TBX20: variants seen among roughly 807,000 people sequenced by gnomAD.
TBX20 encodes the protein T-box transcription factor 20, also known as T-box transcription factor TBX20.
In TBX20, 8 loss-of-function variants were observed where a neutral mutation model predicts 42.9. That is an observed-to-expected ratio of 0.19 (90% CI 0.11 to 0.34). The LOEUF is 0.34. TBX20 is among the 10% of genes least tolerant of loss of function. The pLI, the probability that TBX20 is intolerant of heterozygous loss-of-function variation, is 1.00. For synonymous variants in TBX20, 198 were observed against 222.8 expected, an observed-to-expected ratio of 0.89 and a Z score of 0.99; for missense variants, 411 against 566.0, an observed-to-expected ratio of 0.73 and a Z score of 2.78.
At chr7:35,242,858 A>AT (rs1790109881) in intron 4 of TBX20, among the ~76,000 whole-genome samples, 1 of 152,226 alleles carries the variant, frequency 6.6e-6, no homozygotes. Context: ...AACTGCATCT[A>AT]TAAGAGAGGC....
chr7:35,233,088 T>C (rs1789898277), intron 5 of TBX20, among the ~76,000 whole-genome samples: 1 of 152,244 alleles, frequency 6.6e-6, no homozygotes, highest in Admixed American at 6.5e-5. Flanking sequence ...AGTATATCTA[T>C]AGAACACTTT....
At chr7:35,252,708 A>T (rs1790328944) in intron 1 of TBX20, among the ~76,000 whole-genome samples, 1 of 152,196 alleles carries the variant, frequency 6.6e-6, no homozygotes, top group African/African-American at 2.4e-5. Context: ...CAATGATGAG[A>T]ACACTTCTTT....
chr7:35,248,594 A>T (rs1790238995), intron 3 of TBX20, 83 bp downstream of exon 3: 2 of 1,488,516 alleles, frequency 1.3e-6, no homozygotes, highest in Non-Finnish European at 1.9e-6. Context: ...TTAAAAATAC[A>T]CTTGCTTAAA....
At chr7:35,213,982 G>A (rs550600514) in intron 6 of TBX20, among the ~76,000 whole-genome samples, 6 of 150,120 alleles carry the variant, frequency 4.0e-5, no homozygotes, top group Non-Finnish European at 8.9e-5. Context: ...AGAAAAACAT[G>A]TAGTATGTTA....
chr7:35,236,414 G>T (rs934516349), intron 5 of TBX20, among the ~76,000 whole-genome samples: 1 of 151,950 alleles, frequency 6.6e-6, no homozygotes, highest in Non-Finnish European at 1.5e-5. Flanking sequence ...ATTATATGCT[G>T]CAGGATATAT....
chr7:35,222,599 T>C (rs571659676), intron 6 of TBX20, among the ~76,000 whole-genome samples: 2 of 152,168 alleles, frequency 1.3e-5, no homozygotes, highest in Non-Finnish European at 2.9e-5. Flanking sequence ...TGCCAGACAC[T>C]ATTCTGGGAT....
intron 6 of TBX20, among the ~76,000 whole-genome samples, chr7:35,212,534 T>C (rs1260875329): frequency 6.6e-6 from 1 of 152,184 alleles, no homozygotes; most frequent in East Asian, 1.9e-4. Context: ...ATATAAGACA[T>C]GTCTTGAGGT....
intron 7 of TBX20, among the ~76,000 whole-genome samples, chr7:35,204,239 A>G (rs1175232126): frequency 6.6e-6 from 1 of 152,122 alleles, no homozygotes; most frequent in African/African-American, 2.4e-5. Context: ...TCACTTAAAA[A>G]AAAAACAAAC....
At chr7:35,207,086 G>T (rs1356865867) in intron 6 of TBX20, among the ~76,000 whole-genome samples, 1 of 152,140 alleles carries the variant, frequency 6.6e-6, no homozygotes, top group Non-Finnish European at 1.5e-5. Flanking sequence ...TAAAGAAACT[G>T]CCAAACTATT....
intron 6 of TBX20, among the ~76,000 whole-genome samples, chr7:35,219,266 A>T (rs1789641175): frequency 6.6e-6 from 1 of 152,162 alleles, no homozygotes; most frequent in Non-Finnish European, 1.5e-5. Context: ...GCCATATAGT[A>T]AATATCTTAA....
chr7:35,244,959 T>G lies in TBX20; in HGVS notation c.644A>C (p.Gln215Pro). 6.2e-7 allele frequency: 1 copy of G among 1,613,202 alleles called. No individual in the cohort carries two copies. The highest frequency in any genetic ancestry group is 8.5e-7 in the Non-Finnish European group (1 of 1,179,188). ...AGGCATGGTACTTACATGGCCATGT[T>G]GATCCAGTTCATTGTTGGTGAGTTT... Reference protein sequence around the residue: ...KVKLTNNELDQHGHIILNSMH... With the variant: ...KVKLTNNELDPHGHIILNSMH... The change falls in exon 4 of 8, where the codon CAA becomes CCA. Residue 215 changes from glutamine to proline, a missense_variant. Coordinates refer to ENST00000408931, the MANE Select transcript of TBX20 (RefSeq NM_001077653.2).
rs557608781 is a variant in TBX20, at chr7:35,214,510, G to A, written c.891-9928C>T. Among the ~76,000 whole-genome samples, 11 of 152,272 alleles carry A rather than the reference G, an allele frequency of 7.2e-5. No individual in the cohort carries two copies. In the South Asian group the frequency reaches 2.3e-3, roughly 32 times the overall value. On this transcript the variant is annotated intron_variant, in intron 6 of 7. Coordinates refer to ENST00000408931, the MANE Select transcript of TBX20 (RefSeq NM_001077653.2). ...GAATATATTCAAAGCAAAAGTTAAT[G>A]GGGAGGATAATCTGGCATAACACGG... is the stretch of plus-strand genomic sequence containing the variant.
intron 6 of TBX20, among the ~76,000 whole-genome samples, chr7:35,217,321 A>G (rs1356228708): frequency 1.3e-5 from 2 of 152,190 alleles, no homozygotes; most frequent in Non-Finnish European, 2.9e-5. Flanking sequence ...CAACCATATA[A>G]AAAATTCTGA....
intron 5 of TBX20, among the ~76,000 whole-genome samples, chr7:35,235,549 C>T (rs1035725424): frequency 3.3e-5 from 5 of 152,238 alleles, no homozygotes; most frequent in Non-Finnish European, 7.3e-5. Flanking sequence ...CAATGTTTCT[C>T]ACTTCATCAA....
chr7:35,228,791 G>A (rs1313838709), intron 6 of TBX20, among the ~76,000 whole-genome samples: 1 of 151,938 alleles, frequency 6.6e-6, no homozygotes, highest in Admixed American at 6.6e-5. Context: ...TATCCCTTTG[G>A]GCTTTTGGTT....
At chr7:35,233,358 G>A (rs1341782831) in intron 5 of TBX20, among the ~76,000 whole-genome samples, 1 of 152,158 alleles carries the variant, frequency 6.6e-6, no homozygotes, top group Non-Finnish European at 1.5e-5. Context: ...CTCATTTTTA[G>A]CCCATGAACA....
At chr7:35,232,142 TCTC>T (rs1464231188) in intron 5 of TBX20, among the ~76,000 whole-genome samples, 3 of 152,206 alleles carry the variant, frequency 2.0e-5, no homozygotes, top group Admixed American at 1.3e-4. Context: ...ATACAAATTT[TCTC>T]CTATTTCCCT....
In TBX20 at chr7:35,207,635, T is replaced by C. The variant is rs540704203; in HGVS notation, c.891-3053A>G. ...GTGTGAGGTTTTATGTTTGTGTCTA[T>C]GATTCATCTTGAGTTAATTTTATAT... is the stretch of plus-strand genomic sequence containing the variant. On this transcript the variant is annotated intron_variant, in intron 6 of 7. Coordinates refer to ENST00000408931, the MANE Select transcript of TBX20 (RefSeq NM_001077653.2). 5.3e-5 allele frequency among the ~76,000 whole-genome samples: 8 copies of C among 152,360 alleles called. No individual in the cohort carries two copies. The South Asian group carries it at 1.0e-3, about 20-fold the overall frequency.
At chr7:35,212,073 G>A (rs1789505918) in intron 6 of TBX20, among the ~76,000 whole-genome samples, 5 of 151,934 alleles carry the variant, frequency 3.3e-5, no homozygotes. Flanking sequence ...TAGGCCACTT[G>A]AAATTTTCCC....
Sources: gnomAD v4.1 joint callset for allele counts (sites outside exome capture counted in the v4.1 genomes callset) on GRCh38, gnomAD v4.1.1 for gene constraint, MANE v1.5 for transcripts, NCBI Gene and HGNC (gene_info 2026-07-23, HGNC 2026-07-21) for gene names.